Variants in PKDCC observed in about 807,000 individuals in gnomAD.
PKDCC encodes extracellular tyrosine-protein kinase PKDCC.
In PKDCC, 35 loss-of-function variants were observed where a neutral mutation model predicts 44.7. The observed-to-expected ratio is 0.78, with a 90% CI of 0.60 to 1.04. PKDCC has a LOEUF of 1.04. Among genes scored for constraint, PKDCC ranks in the 50% least tolerant of loss-of-function variants. The probability of loss-of-function intolerance (pLI) is 0.00; values close to 1 mark genes in which losing one functional copy is unlikely to be tolerated. For synonymous variants in PKDCC, 353 were observed against 303.3 expected, an observed-to-expected ratio of 1.16 and a Z score of -1.70; for missense variants, 738 against 672.7, an observed-to-expected ratio of 1.10 and a Z score of -1.07.
chr2:42,048,241 C>T lies in PKDCC; in HGVS notation c.42C>T (p.Ala14=). 3.1e-6 allele frequency: 4 copies of T among 1,270,662 alleles called. No individual in the cohort carries two copies. The highest frequency in any genetic ancestry group is 4.0e-6 in the Non-Finnish European group (4 of 996,594). 78.7% of individuals were successfully genotyped at this position (1,270,662 alleles called of 1,614,324 possible). The change falls in exon 1 of 7, where the codon GCC becomes GCT. Residue 14 remains alanine, a synonymous_variant. Transcript: ENST00000294964. The surrounding 1 kb of genome is among the most constrained non-coding windows in gnomAD (Gnocchi z 6.2). The part of the protein sequence containing the change: ...RRAAVAAGFC[A]SFLLGSVLNV... Reference sequence around the variant, plus strand: ...CGGCAGTGGCCGCGGGTTTCTGCGCCTCCTTCCTGCTGGGCTCCGTCCTCA... The same window carrying T: ...CGGCAGTGGCCGCGGGTTTCTGCGCTTCCTTCCTGCTGGGCTCCGTCCTCA...
At position 42,054,064 on chromosome 2, in the gene PKDCC, A is replaced by G. The variant is rs1289303964; in HGVS notation, c.791A>G (p.His264Arg). The stretch of plus-strand genomic sequence containing the variant: ...TGCCTGAGCCTGGGCCGCCTCCTCC[A>G]CCACCTGGCCCACTCCCCACTGGGC... ...RICLSLGRLL[H>R]HLAHSPLGSV... Residue 264 changes from histidine (H) to arginine (R), a missense_variant, in exon 3 of 7, where the codon CAC (histidine) becomes CGC (arginine). Coordinates refer to ENST00000294964, the MANE Select transcript of PKDCC (RefSeq NM_138370.3). The surrounding 1 kb of genome is among the most constrained non-coding windows in gnomAD (Gnocchi z 6.1). 6.2e-7 allele frequency: 1 copy of G among 1,611,894 alleles called. No homozygotes were observed. The highest frequency in any genetic ancestry group is 1.3e-5 in the African/African-American group (1 of 74,854).
At chr2:42,057,475 G>A (rs1184997114) in intron 6 of PKDCC, 81 bp downstream of exon 6, 4 of 1,579,060 alleles carry the variant, frequency 2.5e-6, no homozygotes, top group Non-Finnish European at 3.5e-6. Flanking sequence ...CCCATCGGAA[G>A]TCAGAGGGGG....
At chr2:42,057,118 C>G (rs1298535488) in intron 5 of PKDCC, 103 bp from the exon 6 acceptor site, 1 of 1,367,346 alleles carries the variant, frequency 7.3e-7, no homozygotes, top group African/African-American at 1.4e-5. Context: ...TCAGCTTTCA[C>G]CTAGGAAATG....
chr2:42,057,809 A>C lies in PKDCC; in HGVS notation c.*121A>C, dbSNP rs990975472. ...GGGAACCCCTGCAGACAAAGCTAAC[A>C]TCCCAGACAGACAGATGTGACCAGG... On this transcript the variant is annotated 3_prime_UTR_variant, in exon 7 of 7. Coordinates refer to ENST00000294964, the MANE Select transcript of PKDCC (RefSeq NM_138370.3). 2 of 777,520 alleles carry C rather than the reference A, an allele frequency of 2.6e-6. No individual in the cohort carries two copies. The highest frequency in any genetic ancestry group is 1.7e-5 in the African/African-American group (1 of 57,396). The allele number at this position is 777,520 out of a possible 1,614,324, so 48.2% of individuals were successfully genotyped here. A position where few individuals can be genotyped will look rare whatever the true frequency, so the allele number is the denominator to read the frequency against.
chr2:42,048,086 G>T lies in PKDCC; in HGVS notation c.-114G>T. ...GGTCGGGGCCGCCGGGGCCATGCGC[G>T]CGGGCTGGGCAGGGGGCCGGCGGGG... On this transcript the variant is annotated 5_prime_UTR_variant, in exon 1 of 7. Transcript: ENST00000294964. The surrounding 1 kb of genome is among the most constrained non-coding windows in gnomAD (Gnocchi z 6.2). 1.7e-6 allele frequency: 1 copy of T among 581,288 alleles called. No homozygotes were observed. The highest frequency in any genetic ancestry group is 2.2e-6 in the Non-Finnish European group (1 of 463,298). 36.0% of individuals were successfully genotyped at this position (581,288 alleles called of 1,614,324 possible). A position where few individuals can be genotyped will look rare whatever the true frequency, so the allele number is the denominator to read the frequency against.
intron 2 of PKDCC, chr2:42,053,624 G>A (rs1668005362): frequency 1.8e-6 from 1 of 542,226 alleles, no homozygotes; most frequent in South Asian, 2.6e-5. Context: ...ACCTTAAAGA[G>A]GGGAGCACTC....
intron 5 of PKDCC, among the ~76,000 whole-genome samples, chr2:42,056,552 G>A (rs1290914676): frequency 6.6e-6 from 1 of 152,142 alleles, no homozygotes; most frequent in Non-Finnish European, 1.5e-5. Flanking sequence ...AGGCCACACT[G>A]GATGCTGGTT....
At chr2:42,056,061 G>A (rs1162420501) in intron 5 of PKDCC, among the ~76,000 whole-genome samples, 1 of 152,160 alleles carries the variant, frequency 6.6e-6, no homozygotes, top group Non-Finnish European at 1.5e-5. Context: ...AGGGGTGGGG[G>A]AGCCCTGTTA....
At position 42,057,582 on chromosome 2, in the gene PKDCC, C is replaced by T. The variant is rs1351051512; in HGVS notation, c.1397-21C>T. On this transcript the variant is annotated intron_variant, in intron 6 of 6. Transcript: ENST00000294964. Reference sequence around the variant, plus strand: ...GAAAGAGAAACATCCAGCCCTGTTACCTCTCACCTCTGCCCCCCAGGTCGG... The same window carrying T: ...GAAAGAGAAACATCCAGCCCTGTTATCTCTCACCTCTGCCCCCCAGGTCGG... 4.3e-6 allele frequency: 7 copies of T among 1,611,104 alleles called. No homozygotes were observed. The African/African-American group carries it at 9.4e-5, about 22-fold the overall frequency.
In PKDCC at chr2:42,048,450, G is replaced by A; in HGVS notation, c.251G>A (p.Arg84Gln). ...GGGCCCGGGGCGGGCCGGCCGGAGC[G>A]GCGGCGCCTGATGGACCTGGCTCCG... The part of the protein sequence containing the change: ...GPGPGAGRPE[R>Q]RRLMDLAPGG... The change falls in exon 1 of 7, where the codon CGG (arginine) becomes CAG (glutamine). Residue 84 changes from arginine to glutamine, a missense_variant. Physicochemically the swap from Arg to Gln is conservative, Grantham distance 43. Coordinates refer to ENST00000294964, the MANE Select transcript of PKDCC (RefSeq NM_138370.3). This position sits in a 1 kb window ranked among gnomAD's most constrained non-coding sequence, Gnocchi z 6.2. The A allele has an allele frequency of 4.6e-6, 5 of 1,095,930 alleles. No homozygotes were observed. The highest frequency in any genetic ancestry group is 5.5e-6 in the Non-Finnish European group (5 of 904,814). 67.9% of individuals were successfully genotyped at this position (1,095,930 alleles called of 1,614,324 possible). A position where few individuals can be genotyped will look rare whatever the true frequency, so the allele number is the denominator to read the frequency against.
In PKDCC at chr2:42,054,328, G is replaced by C. The variant is rs368744317; in HGVS notation, c.1034+21G>C. 86 of 1,583,130 alleles carry C rather than the reference G, an allele frequency of 5.4e-5. No individual in the cohort carries two copies. The African/African-American group carries it at 1.0e-3, about 19-fold the overall frequency. ...TACAGGTGACCTCCACCCCTGACTC[G>C]GGAACTCCATCGAAGGAGAATGGGC... On this transcript the variant is annotated intron_variant, in intron 3 of 6. Transcript: ENST00000294964. This position sits in a 1 kb window ranked among gnomAD's most constrained non-coding sequence, Gnocchi z 6.1.
Position 42,057,263 on chromosome 2 carries a change from A to G in PKDCC, c.1265A>G (p.Tyr422Cys), listed in dbSNP as rs1331966606. 6 of 1,614,042 alleles carry G rather than the reference A, an allele frequency of 3.7e-6. No homozygotes were observed. Among genetic ancestry groups the G allele is most frequent in the African/African-American group, 1.3e-5 (1 of 74,910 alleles). The change falls in exon 6 of 7, where the codon TAC becomes TGC. Residue 422 changes from tyrosine (Y) to cysteine (C), a missense_variant. Tyr to Cys is a radical substitution (Grantham distance 194). Coordinates refer to ENST00000294964, the MANE Select transcript of PKDCC (RefSeq NM_138370.3). ...IPDSTIPQED[Y>C]RCWPSYHHGS... ...GACAGCACCATCCCCCAGGAAGACTACCGCTGCTGGCCATCCTACCACCAC... is the reference window on the plus strand; with the variant it reads ...GACAGCACCATCCCCCAGGAAGACTGCCGCTGCTGGCCATCCTACCACCAC...
Position 42,048,729 on chromosome 2 carries a change from G to C in PKDCC, c.530G>C (p.Ser177Thr). The C allele has an allele frequency of 6.4e-7, 1 of 1,567,274 alleles. No individual in the cohort carries two copies. Among genetic ancestry groups the C allele is most frequent in the Non-Finnish European group, 8.6e-7 (1 of 1,156,858 alleles). ...GACTTTAGCGGCCACGATCTGGGCA[G>C]CTGCGTGCGCGAGTTCGGGGTACGG... ...AVDFSGHDLG[S>T]CVREFGVRRG... Residue 177 changes from serine to threonine, a missense_variant, in exon 1 of 7, where the codon AGC becomes ACC. Coordinates refer to ENST00000294964, the MANE Select transcript of PKDCC (RefSeq NM_138370.3). This position sits in a 1 kb window ranked among gnomAD's most constrained non-coding sequence, Gnocchi z 6.2.
Position 42,048,236 on chromosome 2 carries a change from T to C in PKDCC, c.37T>C (p.Cys13Arg). 7.9e-7 allele frequency: 1 copy of C among 1,262,788 alleles called. No homozygotes were observed. 78.2% of individuals were successfully genotyped at this position (1,262,788 alleles called of 1,614,324 possible). A position where few individuals can be genotyped will look rare whatever the true frequency, so the allele number is the denominator to read the frequency against. Reference sequence around the variant, plus strand: ...GCGGGCGGCAGTGGCCGCGGGTTTCTGCGCCTCCTTCCTGCTGGGCTCCGT... The same window carrying C: ...GCGGGCGGCAGTGGCCGCGGGTTTCCGCGCCTCCTTCCTGCTGGGCTCCGT... ...RRRAAVAAGF[C>R]ASFLLGSVLN... is the part of the protein sequence containing the mutation. Residue 13 changes from cysteine to arginine, a missense_variant, in exon 1 of 7, where the codon TGC becomes CGC. By Grantham distance (180) the Cys-to-Arg change is radical (BLOSUM62 -3). Transcript: ENST00000294964. This position sits in a 1 kb window ranked among gnomAD's most constrained non-coding sequence, Gnocchi z 6.2.
chr2:42,051,647 C>T lies in PKDCC; in HGVS notation c.640-1592C>T, dbSNP rs1667969892. ...TGAGAACCAGGCCCCAGGGCTGTTC[C>T]CCTTACCTTCCCCCCACCCCACCAG... On this transcript the variant is annotated intron_variant, in intron 1 of 6. Transcript: ENST00000294964. This position sits in a 1 kb window ranked among gnomAD's most constrained non-coding sequence, Gnocchi z 4.2. 6.6e-6 allele frequency among the ~76,000 whole-genome samples: 1 copy of T among 152,120 alleles called. No homozygotes were observed. The highest frequency in any genetic ancestry group is 2.4e-5 in the African/African-American group (1 of 41,412).
rs377211356 is a variant in PKDCC at position 42,054,228 on chromosome 2, A to T, written c.955A>T (p.Arg319Trp). ...CGACTGCATACTCGAGTTTCCGGCC[A>T]GGAACTTCACCCTGCCCTGCTCAGC... ...STDCILEFPA[R>W]NFTLPCSAQG... The change falls in exon 3 of 7, where the codon AGG (arginine) becomes TGG (tryptophan). Residue 319 changes from arginine to tryptophan, a missense_variant. Coordinates refer to ENST00000294964, the MANE Select transcript of PKDCC (RefSeq NM_138370.3). The surrounding 1 kb of genome is among the most constrained non-coding windows in gnomAD (Gnocchi z 6.1). 1.9e-6 allele frequency: 3 copies of T among 1,604,168 alleles called. No homozygotes were observed. The Admixed American group carries it at 5.1e-5, about 27-fold the overall frequency.
chr2:42,054,654 A>G lies in PKDCC; in HGVS notation c.1035-287A>G, dbSNP rs1668023629. The G allele has an allele frequency of 1.8e-6, 1 of 546,448 alleles. No individual in the cohort carries two copies. Among genetic ancestry groups the G allele is most frequent in the Non-Finnish European group, 3.3e-6 (1 of 307,312 alleles). The allele number at this position is 546,448 out of a possible 1,614,324, so 33.8% of individuals were successfully genotyped here. A position where few individuals can be genotyped will look rare whatever the true frequency, so the allele number is the denominator to read the frequency against. On this transcript the variant is annotated intron_variant, in intron 3 of 6. Coordinates refer to ENST00000294964, the MANE Select transcript of PKDCC (RefSeq NM_138370.3). This position sits in a 1 kb window ranked among gnomAD's most constrained non-coding sequence, Gnocchi z 6.1. The stretch of plus-strand genomic sequence containing the variant: ...GGGCCCCAGCCATGGGGCTGCTCCG[A>G]CACCGGGAGTCAGTCAGGGGATAAT...
chr2:42,051,523 G>A lies in PKDCC; in HGVS notation c.640-1716G>A, dbSNP rs1026265598. 1.3e-5 allele frequency among the ~76,000 whole-genome samples: 2 copies of A among 152,082 alleles called. No individual in the cohort carries two copies. Among genetic ancestry groups the A allele is most frequent in the Non-Finnish European group, 2.9e-5 (2 of 68,004 alleles). ...GTGTCTTTTTATTTTTTCCTGAGGG[G>A]TGTTGATTAATACCTCGTTAACAGC... On this transcript the variant is annotated intron_variant, in intron 1 of 6. Transcript: ENST00000294964. This position sits in a 1 kb window ranked among gnomAD's most constrained non-coding sequence, Gnocchi z 4.2.
At position 42,054,215 on chromosome 2, in the gene PKDCC, C is replaced by T. The variant is rs146817688; in HGVS notation, c.942C>T (p.Leu314=). Residue 314 remains leucine (L), a synonymous_variant, in exon 3 of 7, where the codon CTC becomes CTT. Coordinates refer to ENST00000294964, the MANE Select transcript of PKDCC (RefSeq NM_138370.3). The surrounding 1 kb of genome is among the most constrained non-coding windows in gnomAD (Gnocchi z 6.1). The part of the protein sequence containing the change: ...TPCAGSTDCI[L]EFPARNFTLP... The stretch of plus-strand genomic sequence containing the variant: ...GTGCAGGCAGCACCGACTGCATACT[C>T]GAGTTTCCGGCCAGGAACTTCACCC... 32 of 1,603,924 alleles carry T rather than the reference C, an allele frequency of 2.0e-5. No individual in the cohort carries two copies. The highest frequency in any genetic ancestry group is 8.0e-5 in the African/African-American group (6 of 74,736).
Sources: gnomAD v4.1 joint callset for allele counts (sites outside exome capture counted in the v4.1 genomes callset) on GRCh38, gnomAD v4.1.1 for gene constraint, Gnocchi (gnomAD v3.1) non-coding constraint, MANE v1.5 for transcripts, NCBI Gene and HGNC (gene_info 2026-07-23, HGNC 2026-07-21) for gene names.